The following PLD5 variants were observed in gnomAD, a reference collection of about 807,000 sequenced individuals.
PLD5 encodes phospholipase D family member 5, also known as inactive phospholipase D5.
In PLD5, 36 loss-of-function variants were observed where a neutral mutation model predicts 61.1. The ratio of observed to expected loss-of-function variants is 0.59; its 90% CI spans 0.45 to 0.78. PLD5 has a LOEUF of 0.78. Among genes scored for constraint, PLD5 ranks in the 30% least tolerant of loss-of-function variants. The pLI, the probability that PLD5 is intolerant of heterozygous loss-of-function variation, is 0.00. For missense variants in PLD5, 515 were observed against 644.4 expected (o/e 0.80, Z 2.17); for synonymous variants, 243 against 242.8 (o/e 1.00, Z -0.01).
chr1:242,167,735 A>C (rs1666435168), intron 5 of PLD5, among the ~76,000 whole-genome samples: 1 of 152,256 alleles, frequency 6.6e-6, no homozygotes, highest in Admixed American at 6.5e-5. Context: ...AAACTTATCC[A>C]AAATCACACA....
At position 242,430,731 on chromosome 1, in the gene PLD5, C is replaced by T. The variant is rs149978413; in HGVS notation, c.190-82489G>A. Among the ~76,000 whole-genome samples the T allele has an allele frequency of 6.7e-4, 102 of 152,242 alleles. 1 individual carries two copies. The highest frequency in any genetic ancestry group is 2.4e-3 in the African/African-American group (98 of 41,544). ...TGGTTCTCCTCCTCTGACTGCAGCC[C>T]AACCCTCAATTGGGAGCAGACATCA... On this transcript the variant is annotated intron_variant, in intron 1 of 9. Coordinates refer to ENST00000536534, the MANE Select transcript of PLD5 (RefSeq NM_001372062.1).
At chr1:242,403,384 C>A (rs755925320) in intron 1 of PLD5, among the ~76,000 whole-genome samples, 4 of 152,108 alleles carry the variant, frequency 2.6e-5, no homozygotes, top group Non-Finnish European at 5.9e-5. Context: ...ATTGGGGGGT[C>A]ATCAATACCT....
intron 5 of PLD5, among the ~76,000 whole-genome samples, chr1:242,163,820 G>A (rs1666088112): frequency 6.6e-6 from 1 of 150,376 alleles, no homozygotes; most frequent in Non-Finnish European, 1.5e-5. Context: ...GATGAGCAGG[G>A]AGAGACGGGT....
chr1:242,197,551 T>C (rs1668710270), intron 5 of PLD5, among the ~76,000 whole-genome samples: 1 of 152,094 alleles, frequency 6.6e-6, no homozygotes, highest in African/African-American at 2.4e-5. Flanking sequence ...TTCCTCTCCA[T>C]GAATCCTTCC....
intron 2 of PLD5, among the ~76,000 whole-genome samples, chr1:242,288,944 G>T (rs1437329939): frequency 6.6e-6 from 1 of 151,942 alleles, no homozygotes; most frequent in Non-Finnish European, 1.5e-5. Context: ...ATTGAGTTTT[G>T]CCTATCTCCA....
chr1:242,092,929 C>T (rs1489349442), intron 9 of PLD5, among the ~76,000 whole-genome samples: 1 of 152,098 alleles, frequency 6.6e-6, no homozygotes. Flanking sequence ...ACACCAAGTC[C>T]CTAAACCAAA....
intron 5 of PLD5, among the ~76,000 whole-genome samples, chr1:242,144,185 TAAAAAA>T (rs1664384202): frequency 8.1e-6 from 1 of 122,794 alleles, no homozygotes; most frequent in African/African-American, 3.0e-5. Flanking sequence ...TTTATTTTTT[TAAAAAA>T]TATTATTAAA....
rs1479365427 is a variant in PLD5 at position 242,396,668 on chromosome 1, C to CTTTCTTTTTTTTTTT, written c.190-48427_190-48426insAAAAAAAAAAAGAAA. 6.4e-5 allele frequency among the ~76,000 whole-genome samples: 8 copies of CTTTCTTTTTTTTTTT among 125,144 alleles called. 1 individual carries two copies. The highest frequency in any genetic ancestry group is 2.0e-4 in the African/African-American group (5 of 25,558). 82.1% of individuals were successfully genotyped at this position (125,144 alleles called of 152,430 possible). On this transcript the variant is annotated intron_variant, in intron 1 of 9. Coordinates refer to ENST00000536534, the MANE Select transcript of PLD5 (RefSeq NM_001372062.1). ...GCATGCTATTTTCTTTCTTTCTTTT[C>CTTTCTTTTTTTTTTT]TTTTCTTTTTTTTTTTTTTTTTTGA...
At chr1:242,334,004 G>A (rs1050234547) in intron 2 of PLD5, among the ~76,000 whole-genome samples, 8 of 152,032 alleles carry the variant, frequency 5.3e-5, no homozygotes, top group African/African-American at 1.2e-4. Context: ...CTTTCTTTTC[G>A]ACATATACCC....
At chr1:242,396,673 CTTTTT>C (rs1202041198) in intron 1 of PLD5, among the ~76,000 whole-genome samples, 31 of 129,550 alleles carry the variant, frequency 2.4e-4, no homozygotes, top group African/African-American at 8.2e-4. Flanking sequence ...CTTTTCTTTT[CTTTTT>C]TTTTTTTTTT....
chr1:242,263,985 C>T (rs916294156), intron 4 of PLD5, among the ~76,000 whole-genome samples: 2 of 152,116 alleles, frequency 1.3e-5, no homozygotes, highest in African/African-American at 4.8e-5. Flanking sequence ...CTCCCTCCTT[C>T]TCTTCCTAAC....
intron 1 of PLD5, among the ~76,000 whole-genome samples, chr1:242,499,412 A>AATAATGT (rs1457488450): frequency 4.6e-5 from 7 of 152,248 alleles, no homozygotes; most frequent in African/African-American, 1.7e-4. Context: ...TAGTTATGCT[A>AATAATGT]ATAATGTATC....
intron 5 of PLD5, among the ~76,000 whole-genome samples, chr1:242,160,829 G>A (rs966354715): frequency 6.6e-6 from 1 of 151,940 alleles, no homozygotes; most frequent in Middle Eastern, 3.2e-3. Flanking sequence ...AGGTTGCAGT[G>A]AGCTTTGATC....
intron 2 of PLD5, among the ~76,000 whole-genome samples, chr1:242,334,314 G>A (rs1284399325): frequency 6.6e-6 from 1 of 152,176 alleles, no homozygotes; most frequent in Non-Finnish European, 1.5e-5. Context: ...TCTACACCCA[G>A]TATACATTTC....
At chr1:242,090,888 A>G (rs897247088) in intron 9 of PLD5, among the ~76,000 whole-genome samples, 3 of 151,474 alleles carry the variant, frequency 2.0e-5, no homozygotes, top group African/African-American at 7.3e-5. Context: ...GACATTTTCT[A>G]TTTTCTTTTT....
At position 242,524,418 on chromosome 1, in the gene PLD5, G is replaced by A. The variant is rs12742403; in HGVS notation, c.-142C>T. 2 of 828,736 alleles carry A rather than the reference G, an allele frequency of 2.4e-6. No homozygotes were observed. The highest frequency in any genetic ancestry group is 3.5e-5 in the East Asian group (1 of 28,800). The allele number at this position is 828,736 out of a possible 1,614,324, so 51.3% of individuals were successfully genotyped here. On this transcript the variant is annotated 5_prime_UTR_variant, in exon 1 of 10. Transcript: ENST00000536534. ...AGCTGGAGGAGCTGGAGGAGCGAGC[G>A]GGCGCGGGGAGCGCGGGGTGCTGAG...
chr1:242,414,064 C>T (rs1037922232), intron 1 of PLD5, among the ~76,000 whole-genome samples: 7 of 152,074 alleles, frequency 4.6e-5, no homozygotes, highest in Non-Finnish European at 7.4e-5. Flanking sequence ...AAGTGAAACG[C>T]TATTAAAATG....
At chr1:242,163,147 C>CTTTTTTTTT (rs147011306) in intron 5 of PLD5, among the ~76,000 whole-genome samples, 3 of 142,008 alleles carry the variant, frequency 2.1e-5, no homozygotes, top group Admixed American at 7.1e-5. Flanking sequence ...CTTTTCTTTT[C>CTTTTTTTTT]TTTCTTTTCT....
In PLD5 at chr1:242,524,079, C is replaced by A; in HGVS notation, c.189+9G>T. The A allele has an allele frequency of 6.5e-7, 1 of 1,531,368 alleles. No individual in the cohort carries two copies. The allele number at this position is 1,531,368 out of a possible 1,614,324, so 94.9% of individuals were successfully genotyped here. On this transcript the variant is annotated intron_variant, in intron 1 of 9. Coordinates refer to ENST00000536534, the MANE Select transcript of PLD5 (RefSeq NM_001372062.1). ...CTGGCCGAGGCCCCCGGGAGCGAGT[C>A]GCCCTTACGTGCTCCAGCTTGTCTT... is the stretch of plus-strand genomic sequence containing the variant.
Sources: allele counts gnomAD v4.1 joint callset (sites outside exome capture counted in the v4.1 genomes callset), GRCh38; gene constraint gnomAD v4.1.1; transcripts MANE v1.5; gene names NCBI Gene and HGNC (gene_info 2026-07-23, HGNC 2026-07-21).